CNTN4: variants seen among roughly 807,000 people sequenced by gnomAD.
CNTN4 encodes the protein contactin 4, also known as contactin-4.
A neutral mutation model predicts 122.5 loss-of-function variants in CNTN4; 77 were observed. That is an observed-to-expected ratio of 0.63 (90% CI 0.52 to 0.76). The LOEUF is 0.76. Ranked by LOEUF, CNTN4 falls within the 30% of genes least tolerant of loss-of-function variation. The pLI is 0.00. For synonymous variants in CNTN4, 512 were observed against 447.0 expected, an observed-to-expected ratio of 1.15 and a Z score of -1.83; for missense variants, 1,256 against 1,259.1, an observed-to-expected ratio of 1.00 and a Z score of 0.04.
intron 12 of CNTN4, among the ~76,000 whole-genome samples, chr3:2,921,399 T>C (rs574359632): frequency 6.6e-6 from 1 of 152,352 alleles, no homozygotes; most frequent in South Asian, 2.1e-4. Context: ...GAAGAAATCT[T>C]CTACCAGTAG....
At chr3:2,599,918 G>A (rs2080948172) in intron 4 of CNTN4, among the ~76,000 whole-genome samples, 1 of 146,196 alleles carries the variant, frequency 6.8e-6, no homozygotes, top group Admixed American at 6.9e-5. Context: ...CTTTATTGAA[G>A]TTTGGAGCTA....
At chr3:3,038,759 C>A (rs1699861858) in intron 18 of CNTN4, among the ~76,000 whole-genome samples, 174 bp from the exon 19 acceptor site, 1 of 151,284 alleles carries the variant, frequency 6.6e-6, no homozygotes, top group Admixed American at 6.6e-5. Flanking sequence ...TGGTACATTT[C>A]ACTTCCTCGA....
At chr3:2,953,616 C>G (rs1019685732) in intron 13 of CNTN4, among the ~76,000 whole-genome samples, 5 of 152,104 alleles carry the variant, frequency 3.3e-5, no homozygotes, top group African/African-American at 9.7e-5. Flanking sequence ...CTGGAGAAGT[C>G]ATTTATATTT....
Position 2,540,550 on chromosome 3 carries a change from T to A in CNTN4, c.-88-30866T>A, listed in dbSNP as rs112976495. Among the ~76,000 whole-genome samples, 490 of 152,178 alleles carry A rather than the reference T, an allele frequency of 3.2e-3. 8 individuals carry two copies. The highest frequency in any genetic ancestry group is 0.011 in the African/African-American group (471 of 41,544). ...AGATATTGCCTACTGCTATGGACATTTTATTTTAAAAAGTAGTAGGAGTTT... is the reference window on the plus strand; with the variant it reads ...AGATATTGCCTACTGCTATGGACATATTATTTTAAAAAGTAGTAGGAGTTT... On this transcript the variant is annotated intron_variant, in intron 3 of 24. Coordinates refer to ENST00000418658, the MANE Select transcript of CNTN4 (RefSeq NM_175607.3).
chr3:2,924,536 A>C (rs1354378978), intron 12 of CNTN4, among the ~76,000 whole-genome samples: 1 of 152,232 alleles, frequency 6.6e-6, no homozygotes, highest in Non-Finnish European at 1.5e-5. Flanking sequence ...CTCAGAAGAA[A>C]ATAGATATTT....
At chr3:2,391,577 C>A (rs13098123) in intron 3 of CNTN4, among the ~76,000 whole-genome samples, 2 of 152,068 alleles carry the variant, frequency 1.3e-5, no homozygotes, top group South Asian at 2.1e-4. Context: ...TATGAGTGAA[C>A]TGAGCCTTGT....
intron 2 of CNTN4, among the ~76,000 whole-genome samples, chr3:2,306,513 A>G: frequency 6.6e-6 from 1 of 152,176 alleles, no homozygotes; most frequent in South Asian, 2.1e-4. Context: ...TTTAATTATA[A>G]GAGTTCTTGA....
rs138568681 is a variant in CNTN4, at chr3:2,872,829, A to G, written c.652+5880A>G. Among the ~76,000 whole-genome samples the G allele has an allele frequency of 4.8e-3, 726 of 152,260 alleles. 3 individuals are homozygous for G. Among genetic ancestry groups the G allele is most frequent in the African/African-American group, 0.016 (684 of 41,554 alleles). On this transcript the variant is annotated intron_variant, in intron 8 of 24. Transcript: ENST00000418658. ...TCAAATGTAAAGTTAACTTCTCTAAATGTTTATTATACTTCAGTATAAAAT... is the reference window on the plus strand; with the variant it reads ...TCAAATGTAAAGTTAACTTCTCTAAGTGTTTATTATACTTCAGTATAAAAT...
intron 8 of CNTN4, among the ~76,000 whole-genome samples, chr3:2,869,598 G>C (rs2093762317): frequency 6.6e-6 from 1 of 152,148 alleles, no homozygotes; most frequent in Non-Finnish European, 1.5e-5. Context: ...GGCAACAGGA[G>C]GAATTATTTG....
chr3:2,416,639 A>T (rs1444358143), intron 3 of CNTN4, among the ~76,000 whole-genome samples: 1 of 152,062 alleles, frequency 6.6e-6, no homozygotes, highest in African/African-American at 2.4e-5. Context: ...CAAAAATCAG[A>T]GGGCTTTCCA....
intron 13 of CNTN4, among the ~76,000 whole-genome samples, chr3:2,962,085 T>C (rs2094866613): frequency 1.3e-5 from 2 of 152,254 alleles, no homozygotes; most frequent in Non-Finnish European, 1.5e-5. Context: ...ATAGACTCTC[T>C]GGACCTCAAA....
At chr3:3,023,141 A>C (rs185223573) in intron 14 of CNTN4, among the ~76,000 whole-genome samples, 5 of 152,362 alleles carry the variant, frequency 3.3e-5, no homozygotes, top group African/African-American at 1.2e-4. Flanking sequence ...TTCACAACAC[A>C]GAAAACAAGA....
At chr3:2,954,166 A>C (rs2094775084) in intron 13 of CNTN4, among the ~76,000 whole-genome samples, 1 of 152,120 alleles carries the variant, frequency 6.6e-6, no homozygotes, top group African/African-American at 2.4e-5. Context: ...TCATTCAGAA[A>C]CCTTATCTTG....
intron 2 of CNTN4, among the ~76,000 whole-genome samples, chr3:2,256,487 A>T (rs1295732893): frequency 6.6e-6 from 1 of 152,182 alleles, no homozygotes; most frequent in African/African-American, 2.4e-5. Flanking sequence ...AGACACAACA[A>T]AAAAAGAAAA....
intron 9 of CNTN4, among the ~76,000 whole-genome samples, chr3:2,886,828 A>G (rs539826902): frequency 8.5e-5 from 13 of 152,242 alleles, no homozygotes; most frequent in African/African-American, 2.6e-4. Context: ...CACCTTATTG[A>G]AAGTTAAGAA....
chr3:2,483,360 A>G (rs1212735529), intron 3 of CNTN4, among the ~76,000 whole-genome samples: 2 of 152,104 alleles, frequency 1.3e-5, no homozygotes, highest in East Asian at 3.9e-4. Flanking sequence ...CTTGCTTTCG[A>G]TTTTACCACC....
intron 7 of CNTN4, among the ~76,000 whole-genome samples, chr3:2,836,807 CGTAAT>C (rs1405897911): frequency 6.6e-6 from 1 of 151,442 alleles, no homozygotes; most frequent in Non-Finnish European, 1.5e-5. Flanking sequence ...AGGAGAAATA[CGTAAT>C]GTAGATGATG....
intron 3 of CNTN4, among the ~76,000 whole-genome samples, chr3:2,340,739 A>AGAGAGAGAGAGAGT (rs2044179618): frequency 8.0e-6 from 1 of 124,470 alleles, no homozygotes; most frequent in Admixed American, 8.6e-5. Flanking sequence ...AGAGAGAGAG[A>AGAGAGAGAGAGAGT]GTCAGAAATT....
At chr3:2,533,505 TG>T (rs2077680009) in intron 3 of CNTN4, among the ~76,000 whole-genome samples, 1 of 152,084 alleles carries the variant, frequency 6.6e-6, no homozygotes, top group Non-Finnish European at 1.5e-5. Context: ...AGGGTGTATA[TG>T]TACCACATTT....
Sources: allele counts gnomAD v4.1 joint callset (sites outside exome capture counted in the v4.1 genomes callset), GRCh38; gene constraint gnomAD v4.1.1; transcripts MANE v1.5; gene names NCBI Gene and HGNC (gene_info 2026-07-23, HGNC 2026-07-21).